The following NKAIN2 variants were observed in gnomAD, a reference collection of about 807,000 sequenced individuals.
NKAIN2 encodes the protein sodium/potassium-transporting ATPase subunit beta-1-interacting protein 2.
A neutral mutation model predicts 32.6 loss-of-function variants in NKAIN2; 14 were observed. The ratio of observed to expected loss-of-function variants is 0.43; its 90% CI spans 0.28 to 0.67. The LOEUF (loss-of-function observed/expected upper bound fraction) is 0.67, where lower values mean the gene tolerates loss of function less well. NKAIN2 is among the 30% of genes least tolerant of loss of function. The probability of loss-of-function intolerance (pLI) is 0.17; values close to 1 mark genes in which losing one functional copy is unlikely to be tolerated. For missense variants in NKAIN2, 198 were observed against 258.3 expected, an observed-to-expected ratio of 0.77 and a Z score of 1.60; for synonymous variants, 80 against 87.2, an observed-to-expected ratio of 0.92 and a Z score of 0.46.
At chr6:124,386,758 A>T (rs901179483) in intron 3 of NKAIN2, among the ~76,000 whole-genome samples, 6 of 152,120 alleles carry the variant, frequency 3.9e-5, no homozygotes, top group Non-Finnish European at 5.9e-5. Flanking sequence ...TCACAAATCT[A>T]CCTGGATGGT....
intron 1 of NKAIN2, among the ~76,000 whole-genome samples, chr6:124,057,216 G>A (rs1782695315): frequency 6.6e-6 from 1 of 151,992 alleles, no homozygotes; most frequent in Non-Finnish European, 1.5e-5. Flanking sequence ...GTCTTCCCTA[G>A]CATGCCCAGT....
At chr6:124,382,616 G>A (rs923467231) in intron 3 of NKAIN2, among the ~76,000 whole-genome samples, 1 of 152,166 alleles carries the variant, frequency 6.6e-6, no homozygotes, top group African/African-American at 2.4e-5. Context: ...GTGGAGCTGT[G>A]AGATTTTGCT....
chr6:124,679,844 G>A (rs958770568), intron 4 of NKAIN2, among the ~76,000 whole-genome samples: 2 of 152,076 alleles, frequency 1.3e-5, no homozygotes, highest in Non-Finnish European at 2.9e-5. Flanking sequence ...GGTTTATATG[G>A]AAAAAGTAGA....
intron 1 of NKAIN2, among the ~76,000 whole-genome samples, chr6:124,147,284 T>A (rs1196866132): frequency 6.6e-6 from 1 of 152,184 alleles, no homozygotes; most frequent in Non-Finnish European, 1.5e-5. Context: ...GTTCAGGTCA[T>A]CCCTCACTAA....
chr6:124,145,745 T>C (rs1156446211), intron 1 of NKAIN2, among the ~76,000 whole-genome samples: 1 of 152,112 alleles, frequency 6.6e-6, no homozygotes, highest in African/African-American at 2.4e-5. Flanking sequence ...GACCTCGTGA[T>C]CCACCCCCCT....
intron 3 of NKAIN2, among the ~76,000 whole-genome samples, chr6:124,601,719 C>A (rs190481849): frequency 2.2e-4 from 34 of 152,044 alleles, no homozygotes; most frequent in Admixed American, 1.6e-3. Flanking sequence ...GTAGAAAATG[C>A]AAATAATGGA....
intron 3 of NKAIN2, among the ~76,000 whole-genome samples, chr6:124,507,749 G>A: frequency 6.6e-6 from 1 of 152,116 alleles, no homozygotes; most frequent in Non-Finnish European, 1.5e-5. Context: ...TATGATATGA[G>A]GTTCAGTGGG....
In NKAIN2 at chr6:124,303,182, T is replaced by G. The variant is rs556470590; in HGVS notation, c.192+20040T>G. ...AGATTACAGACAACCATTGGTAGTT[T>G]TTAAAATACAGAATGATATGATTAA... On this transcript the variant is annotated intron_variant, in intron 2 of 6. Coordinates refer to ENST00000368417, the MANE Select transcript of NKAIN2 (RefSeq NM_001040214.3). Among the ~76,000 whole-genome samples the G allele has an allele frequency of 4.6e-5, 7 of 152,332 alleles. No individual in the cohort carries two copies. In the South Asian group the frequency reaches 1.4e-3, roughly 32 times the overall value.
intron 1 of NKAIN2, among the ~76,000 whole-genome samples, chr6:124,028,129 G>A (rs568309939): frequency 6.6e-6 from 1 of 151,930 alleles, no homozygotes; most frequent in Non-Finnish European, 1.5e-5. Flanking sequence ...TTCTTTGTTG[G>A]TCTTTTATAC....
intron 3 of NKAIN2, among the ~76,000 whole-genome samples, chr6:124,656,771 A>C (rs1025905802): frequency 6.6e-6 from 1 of 152,110 alleles, no homozygotes; most frequent in Non-Finnish European, 1.5e-5. Context: ...CTCTCATGAC[A>C]GCCCACATCT....
At chr6:123,820,953 G>A (rs1046910595) in intron 1 of NKAIN2, among the ~76,000 whole-genome samples, 1 of 152,142 alleles carries the variant, frequency 6.6e-6, no homozygotes, top group Non-Finnish European at 1.5e-5. Context: ...GAAACAATTA[G>A]AATGAATATA....
intron 3 of NKAIN2, among the ~76,000 whole-genome samples, chr6:124,544,341 A>G (rs1780015883): frequency 6.6e-6 from 1 of 151,952 alleles, no homozygotes; most frequent in South Asian, 2.1e-4. Context: ...CCAACCACAG[A>G]AGCCTCAGAA....
intron 1 of NKAIN2, among the ~76,000 whole-genome samples, chr6:124,030,888 T>A (rs1781373383): frequency 6.6e-6 from 1 of 152,180 alleles, no homozygotes; most frequent in Non-Finnish European, 1.5e-5. Flanking sequence ...TGTTAACCAC[T>A]CATTTATTCT....
intron 1 of NKAIN2, among the ~76,000 whole-genome samples, chr6:124,117,882 A>G (rs1785691509): frequency 6.6e-6 from 1 of 150,616 alleles, no homozygotes; most frequent in Admixed American, 6.6e-5. Context: ...CCATGTGCAG[A>G]CATTAAAACA....
Position 124,052,234 on chromosome 6 carries a change from G to A in NKAIN2, c.55-230771G>A, listed in dbSNP as rs1000681530. On this transcript the variant is annotated intron_variant, in intron 1 of 6. Coordinates refer to ENST00000368417, the MANE Select transcript of NKAIN2 (RefSeq NM_001040214.3). ...AATTTACTGATGTTTTCAGAGATAC[G>A]AAATTTATAAAAGACGTAGGAAGGA... Among the ~76,000 whole-genome samples, 7 of 152,108 alleles carry A rather than the reference G, an allele frequency of 4.6e-5. No homozygotes were observed. The East Asian group carries it at 5.8e-4, about 13-fold the overall frequency.
intron 5 of NKAIN2, among the ~76,000 whole-genome samples, chr6:124,805,381 G>A (rs1780496528): frequency 1.3e-5 from 2 of 152,150 alleles, no homozygotes; most frequent in Admixed American, 1.3e-4. Flanking sequence ...CAGGCAAACA[G>A]GGTCTGGAGT....
At chr6:124,373,031 G>A (rs1164530936) in intron 3 of NKAIN2, among the ~76,000 whole-genome samples, 1 of 152,078 alleles carries the variant, frequency 6.6e-6, no homozygotes, top group Non-Finnish European at 1.5e-5. Flanking sequence ...AATAACTCTG[G>A]CAGGAGCAAG....
intron 1 of NKAIN2, among the ~76,000 whole-genome samples, chr6:124,215,548 A>G (rs186536842): frequency 5.3e-5 from 8 of 152,296 alleles, no homozygotes; most frequent in African/African-American, 1.9e-4. Context: ...AACAAAACTA[A>G]ATGTGACTGG....
intron 4 of NKAIN2, among the ~76,000 whole-genome samples, chr6:124,759,052 T>A (rs981052543): frequency 6.6e-6 from 1 of 152,198 alleles, no homozygotes; most frequent in Non-Finnish European, 1.5e-5. Context: ...TATTCATTTT[T>A]GCCACATGTA....
Sources: gnomAD v4.1 joint callset for allele counts (sites outside exome capture counted in the v4.1 genomes callset) on GRCh38, gnomAD v4.1.1 for gene constraint, MANE v1.5 for transcripts, NCBI Gene and HGNC (gene_info 2026-07-23, HGNC 2026-07-21) for gene names.